Variants in MTMR8 observed in about 807,000 individuals in gnomAD.
MTMR8 encodes the protein phosphatidylinositol-3,5-bisphosphate 3-phosphatase MTMR8.
In MTMR8, 65 loss-of-function variants were observed where a neutral mutation model predicts 39.3. That is an observed-to-expected ratio of 1.65 (90% CI 1.35 to 2.03). MTMR8 has a LOEUF of 2.03. Ranked by LOEUF, MTMR8 falls within the 30% of genes most tolerant of loss-of-function variation. The probability of loss-of-function intolerance (pLI) is 0.00; values close to 1 mark genes in which losing one functional copy is unlikely to be tolerated. For missense variants in MTMR8, 777 were observed against 538.9 expected (o/e 1.44, Z -4.37); for synonymous variants, 245 against 185.2 (o/e 1.32, Z -2.62).
intron 12 of MTMR8, among the ~76,000 whole-genome samples, chrX:64,302,014 T>C (rs2147201737): frequency 8.9e-6 from 1 of 112,624 alleles, no homozygotes; most frequent in East Asian, 2.8e-4. Flanking sequence ...TACTGCTGTC[T>C]TTTTGTTTGT....
intron 2 of MTMR8, 55 bp from the exon 3 acceptor site, chrX:64,356,393 C>T: frequency 2.8e-6 from 3 of 1,061,773 alleles, no homozygotes; most frequent in African/African-American, 1.8e-5. Context: ...ATCTCTATCA[C>T]TATCAGTATT....
intron 1 of MTMR8, among the ~76,000 whole-genome samples, chrX:64,362,214 G>A (rs1270939365): frequency 4.6e-5 from 5 of 107,719 alleles, no homozygotes; most frequent in African/African-American, 1.7e-4. Context: ...TCTTGGATAG[G>A]CCAACTTAAT....
intron 12 of MTMR8, among the ~76,000 whole-genome samples, chrX:64,321,937 C>A (rs1478696216): frequency 2.7e-5 from 3 of 111,886 alleles, no homozygotes; most frequent in African/African-American, 9.8e-5. Flanking sequence ...TCCTTCATTC[C>A]ACTAGCATTC....
At chrX:64,335,411 T>C (rs766051408) in intron 10 of MTMR8, among the ~76,000 whole-genome samples, 1 of 112,177 alleles carries the variant, frequency 8.9e-6, no homozygotes, top group African/African-American at 3.2e-5. Context: ...GGATCACAGG[T>C]ATGAGCCACT....
chrX:64,334,038 C>G (rs1923009327), intron 10 of MTMR8, among the ~76,000 whole-genome samples: 1 of 111,444 alleles, frequency 9.0e-6, no homozygotes, highest in East Asian at 2.8e-4. Flanking sequence ...CCTCTTTATA[C>G]AATTTTTTGA....
At chrX:64,330,109 A>G (rs759372855) in intron 11 of MTMR8, among the ~76,000 whole-genome samples, 17 of 112,071 alleles carry the variant, frequency 1.5e-4, no homozygotes, top group Non-Finnish European at 2.8e-4. Context: ...AGTAATCACT[A>G]TTTTAAAATA....
At chrX:64,292,740 A>G (rs1195265666) in intron 12 of MTMR8, among the ~76,000 whole-genome samples, 1 of 111,266 alleles carries the variant, frequency 9.0e-6, no homozygotes, top group Non-Finnish European at 1.9e-5. Flanking sequence ...CTGAATGAAA[A>G]AGGGGCTGCC....
chrX:64,290,584 C>A (rs1214404411), intron 12 of MTMR8, among the ~76,000 whole-genome samples: 1 of 110,756 alleles, frequency 9.0e-6, no homozygotes, highest in Non-Finnish European at 1.9e-5. Flanking sequence ...TCCTGCTCTC[C>A]TTTAGTAGCC....
chrX:64,348,645 C>G lies in MTMR8; in HGVS notation c.732+15G>C, dbSNP rs1357711405. 3.3e-6 allele frequency: 4 copies of G among 1,208,472 alleles called. No homozygotes were observed. Among genetic ancestry groups the G allele is most frequent in the Non-Finnish European group, 4.5e-6 (4 of 893,474 alleles). Reference sequence around the variant, plus strand: ...AGAGGCAGAAATATCAAAGAAATCACTGAGAAATAGATACCTTTGGTCTTG... The same window carrying G: ...AGAGGCAGAAATATCAAAGAAATCAGTGAGAAATAGATACCTTTGGTCTTG... On this transcript the variant is annotated intron_variant, in intron 6 of 13. Coordinates refer to ENST00000374852, the MANE Select transcript of MTMR8 (RefSeq NM_017677.4).
intron 1 of MTMR8, among the ~76,000 whole-genome samples, chrX:64,374,274 G>A (rs928582196): frequency 1.8e-5 from 2 of 111,379 alleles, no homozygotes; most frequent in Non-Finnish European, 3.8e-5. Flanking sequence ...GATTCCCCTG[G>A]GAGACACCTA....
chrX:64,394,132 C>G (rs1924763297), intron 1 of MTMR8, among the ~76,000 whole-genome samples: 1 of 111,639 alleles, frequency 9.0e-6, no homozygotes, highest in South Asian at 3.8e-4. Flanking sequence ...AAGAGAGAGC[C>G]TGTGCAAAGA....
chrX:64,302,370 A>C (rs1921920650), intron 12 of MTMR8, among the ~76,000 whole-genome samples: 1 of 111,763 alleles, frequency 8.9e-6, no homozygotes, highest in Non-Finnish European at 1.9e-5. Context: ...CGGAAAGGGA[A>C]CTCCCCGACC....
chrX:64,324,081 G>A (rs1922724088), intron 12 of MTMR8, among the ~76,000 whole-genome samples: 1 of 112,808 alleles, frequency 8.9e-6, no homozygotes, highest in Non-Finnish European at 1.9e-5. Context: ...AAATGAAAGT[G>A]CCCAGGCACA....
chrX:64,318,475 C>A (rs1345843414), intron 12 of MTMR8, among the ~76,000 whole-genome samples: 1 of 110,941 alleles, frequency 9.0e-6, no homozygotes, highest in African/African-American at 3.3e-5. Flanking sequence ...TTCTTCAGCT[C>A]CAAGTCTGGG....
chrX:64,306,363 T>C (rs896421390), intron 12 of MTMR8: 11 of 231,322 alleles, frequency 4.8e-5, no homozygotes, highest in African/African-American at 1.7e-4. Flanking sequence ...CTGTAAAGCA[T>C]TGTCATCTCT....
At position 64,311,730 on chromosome X, in the gene MTMR8, A is replaced by G. The variant is rs1212857767; in HGVS notation, c.1481+17042T>C. Among the ~76,000 whole-genome samples, 8 of 107,670 alleles carry G rather than the reference A, an allele frequency of 7.4e-5. No individual in the cohort carries two copies. The Admixed American group carries it at 8.0e-4, about 11-fold the overall frequency. 93.5% of individuals were successfully genotyped at this position (107,670 alleles called of 115,157 possible). A position where few individuals can be genotyped will look rare whatever the true frequency, so the allele number is the denominator to read the frequency against. ...CTACATATGGCTAGCCAGTTTTCCCAGCACCATTTATTAAATAGGGAATCC... is the reference window on the plus strand; with the variant it reads ...CTACATATGGCTAGCCAGTTTTCCCGGCACCATTTATTAAATAGGGAATCC... On this transcript the variant is annotated intron_variant, in intron 12 of 13. Coordinates refer to ENST00000374852, the MANE Select transcript of MTMR8 (RefSeq NM_017677.4).
chrX:64,374,644 T>C (rs970226951), intron 1 of MTMR8, among the ~76,000 whole-genome samples: 4 of 111,454 alleles, frequency 3.6e-5, no homozygotes, highest in Non-Finnish European at 7.5e-5. Flanking sequence ...TGAACACCTA[T>C]AGTAGGTTGA....
chrX:64,395,243 A>AAGAAGGCTG (rs1924789915), intron 1 of MTMR8, 97 bp downstream of exon 1: 9 of 955,499 alleles, frequency 9.4e-6, no homozygotes, highest in Non-Finnish European at 1.3e-5. Context: ...AGACGCGTCA[A>AAGAAGGCTG]AGAAGGCTGA....
At chrX:64,274,325 T>A (rs1053810773) in intron 12 of MTMR8, among the ~76,000 whole-genome samples, 2 of 111,669 alleles carry the variant, frequency 1.8e-5, no homozygotes, top group East Asian at 5.6e-4. Flanking sequence ...TTAAAACATA[T>A]GGAAATTAAA....
Sources: allele counts gnomAD v4.1 joint callset (sites outside exome capture counted in the v4.1 genomes callset), GRCh38; gene constraint gnomAD v4.1.1; transcripts MANE v1.5; gene names NCBI Gene and HGNC (gene_info 2026-07-23, HGNC 2026-07-21).